NFIB: variants seen among roughly 807,000 people sequenced by gnomAD.
NFIB encodes the protein nuclear factor I B.
In NFIB, 11 loss-of-function variants were observed where a neutral mutation model predicts 61.5. The ratio of observed to expected loss-of-function variants is 0.18; its 90% CI spans 0.11 to 0.30. The LOEUF (loss-of-function observed/expected upper bound fraction) is 0.30. Ranked by LOEUF, NFIB falls within the 10% of genes least tolerant of loss-of-function variation. NFIB has a pLI of 1.00. For synonymous variants in NFIB, 260 were observed against 216.5 expected (o/e 1.20, Z -1.76); for missense variants, 471 against 608.9 (o/e 0.77, Z 2.38).
chr9:14,249,521 T>C (rs776773935), intron 2 of NFIB, among the ~76,000 whole-genome samples: 1 of 152,186 alleles, frequency 6.6e-6, no homozygotes, highest in Non-Finnish European at 1.5e-5. Flanking sequence ...TAAAGTGCAT[T>C]TTTGTGATCC....
chr9:14,398,474 G>A, intron 1 of NFIB: 1 of 1,312,450 alleles, frequency 7.6e-7, no homozygotes, highest in South Asian at 1.3e-5. Context: ...CTAAGAAGTT[G>A]GGACCTATTT....
chr9:14,251,588 G>A (rs1286149341), intron 2 of NFIB, among the ~76,000 whole-genome samples: 1 of 152,176 alleles, frequency 6.6e-6, no homozygotes, highest in Non-Finnish European at 1.5e-5. Flanking sequence ...TACTGCAAGT[G>A]GTATCGGTGA....
the NFIB span, among the ~76,000 whole-genome samples, chr9:14,484,572 A>G: frequency 6.6e-6 from 1 of 152,232 alleles, no homozygotes; most frequent in Non-Finnish European, 1.5e-5. Context: ...AAATATAGCA[A>G]TACAAACATA....
chr9:14,190,648 T>G (rs1023569092), intron 2 of NFIB, among the ~76,000 whole-genome samples: 1 of 152,198 alleles, frequency 6.6e-6, no homozygotes, highest in South Asian at 2.1e-4. Context: ...GAGGAGACAG[T>G]AATTTCCTCT....
At position 14,313,133 on chromosome 9, in the gene NFIB, G is replaced by A. The variant is rs1028265385; in HGVS notation, c.30+349C>T. On this transcript the variant is annotated intron_variant, in intron 1 of 10. Transcript: ENST00000380953. The surrounding 1 kb of genome is among the most constrained non-coding windows in gnomAD (Gnocchi z 4.5). ...CACCTCAACGCGCGAGCTGCTGAGA[G>A]GGGCTACGGGCACCCCGGGCGGGGA... Among the ~76,000 whole-genome samples, 1 of 152,230 alleles carries A rather than the reference G, an allele frequency of 6.6e-6. No homozygotes were observed. The highest frequency in any genetic ancestry group is 2.4e-5 in the African/African-American group (1 of 41,466).
At chr9:14,485,370 A>T in the NFIB span, among the ~76,000 whole-genome samples, 1 of 152,226 alleles carries the variant, frequency 6.6e-6, no homozygotes, top group African/African-American at 2.4e-5. Context: ...CTCCAGCAAG[A>T]TTCAACTTTT....
intron 3 of NFIB, among the ~76,000 whole-genome samples, chr9:14,177,601 T>G (rs1274364118): frequency 1.3e-5 from 2 of 152,122 alleles, no homozygotes; most frequent in Non-Finnish European, 2.9e-5. Flanking sequence ...TCCATTTAAG[T>G]TGGGTATAAT....
At chr9:14,512,610 C>T in the NFIB span, among the ~76,000 whole-genome samples, 112,653 of 151,926 alleles carry the variant, frequency 0.74, 42,174 homozygotes, top group Non-Finnish European at 0.8. Context: ...GTAATAAGTC[C>T]GCCAATTTAT....
chr9:14,344,012 A>C (rs907019744), intron 1 of NFIB, among the ~76,000 whole-genome samples: 2 of 151,998 alleles, frequency 1.3e-5, no homozygotes, highest in Non-Finnish European at 2.9e-5. Context: ...GGAGGCAGTT[A>C]GGAGATGCTA....
At chr9:14,322,331 ATGTATG>A (rs1432485443) in intron 1 of NFIB, 1 of 224,886 alleles carries the variant, frequency 4.4e-6, no homozygotes, top group Non-Finnish European at 8.7e-6. Flanking sequence ...GCGTGTGTGC[ATGTATG>A]TGTGTGTGTG....
At chr9:14,332,353 C>T (rs915488118) in intron 1 of NFIB, among the ~76,000 whole-genome samples, 1 of 131,312 alleles carries the variant, frequency 7.6e-6, no homozygotes, top group Non-Finnish European at 1.7e-5. Context: ...AAAAAAAACA[C>T]ACAAGAAGAA....
intron 2 of NFIB, among the ~76,000 whole-genome samples, chr9:14,250,480 T>A (rs981168398): frequency 6.6e-6 from 1 of 152,248 alleles, no homozygotes; most frequent in East Asian, 1.9e-4. Flanking sequence ...AACTTTCAGG[T>A]GTGTCCCAAG....
At chr9:14,315,492 C>T (rs1025245570), upstream of NFIB, among the ~76,000 whole-genome samples, 19 of 146,678 alleles carry the variant, frequency 1.3e-4, no homozygotes, top group Admixed American at 4.7e-4. Flanking sequence ...AAGCGTCTCC[C>T]TACCCGCCCG....
rs748519164 is a variant in NFIB, at chr9:14,261,266, G to A, written c.562+45723C>T. Among the ~76,000 whole-genome samples, 9 of 152,086 alleles carry A rather than the reference G, an allele frequency of 5.9e-5. No homozygotes were observed. The South Asian group carries it at 1.0e-3, about 18-fold the overall frequency. On this transcript the variant is annotated intron_variant, in intron 2 of 10. Coordinates refer to ENST00000380953, the MANE Select transcript of NFIB (RefSeq NM_001190737.2). ...TGGGAGAGGGAGGGTGCAGTGAGCCGAGATCATACCATTGCACTCCAGCCT... is the reference window on the plus strand; with the variant it reads ...TGGGAGAGGGAGGGTGCAGTGAGCCAAGATCATACCATTGCACTCCAGCCT...
intron 1 of NFIB, among the ~76,000 whole-genome samples, chr9:14,364,272 C>G (rs1323337099): frequency 6.6e-6 from 1 of 152,138 alleles, no homozygotes; most frequent in South Asian, 2.1e-4. Flanking sequence ...ACAGGTTCAG[C>G]CTGTGGAGTT....
At chr9:14,303,713 C>A (rs1260853340) in intron 2 of NFIB, among the ~76,000 whole-genome samples, 2 of 152,208 alleles carry the variant, frequency 1.3e-5, no homozygotes, top group Non-Finnish European at 2.9e-5. Context: ...TGATGCCAAC[C>A]TCGGTGCCAC....
chr9:14,127,826 A>C (rs903863376), intron 6 of NFIB, among the ~76,000 whole-genome samples: 2 of 152,078 alleles, frequency 1.3e-5, no homozygotes, highest in Non-Finnish European at 2.9e-5. Context: ...GTCTACAAAA[A>C]ATGCCAGGCG....
At chr9:14,531,667 G>T in the NFIB span, among the ~76,000 whole-genome samples, 1 of 143,442 alleles carries the variant, frequency 7.0e-6, no homozygotes. Context: ...GGGACCGACT[G>T]TACCATTTGC....
chr9:14,306,324 T>C lies in NFIB; in HGVS notation c.562+665A>G, dbSNP rs1414858767. On this transcript the variant is annotated intron_variant, in intron 2 of 10. Transcript: ENST00000380953. The stretch of plus-strand genomic sequence containing the variant: ...ATTATTAAGTGTTCCCAAGTAACTC[T>C]GGGAACATACTATAAATAATTTAAA... 2.6e-5 allele frequency among the ~76,000 whole-genome samples: 4 copies of C among 152,210 alleles called. No individual in the cohort carries two copies. In the East Asian group the frequency reaches 7.7e-4, roughly 29 times the overall value.
Sources: gnomAD v4.1 joint callset for allele counts (sites outside exome capture counted in the v4.1 genomes callset) on GRCh38, gnomAD v4.1.1 for gene constraint, Gnocchi (gnomAD v3.1) non-coding constraint, MANE v1.5 for transcripts, NCBI Gene and HGNC (gene_info 2026-07-23, HGNC 2026-07-21) for gene names.